Variants in PDGFD observed in about 807,000 individuals in gnomAD.
PDGFD encodes the protein platelet derived growth factor D.
A neutral mutation model predicts 44.7 loss-of-function variants in PDGFD; 30 were observed. The ratio of observed to expected loss-of-function variants is 0.67; its 90% CI spans 0.50 to 0.91. PDGFD has a LOEUF of 0.91. Among genes scored for constraint, PDGFD ranks in the 40% least tolerant of loss-of-function variants. The pLI, the probability that PDGFD is intolerant of heterozygous loss-of-function variation, is 0.00. For synonymous variants in PDGFD, 173 were observed against 168.4 expected (o/e 1.03, Z -0.21); for missense variants, 445 against 457.8 (o/e 0.97, Z 0.25).
At chr11:104,020,641 C>T (rs978850335) in intron 1 of PDGFD, among the ~76,000 whole-genome samples, 1 of 152,020 alleles carries the variant, frequency 6.6e-6, no homozygotes, top group Non-Finnish European at 1.5e-5. Flanking sequence ...TTTGGGAGTA[C>T]TGGGCTTAGA....
chr11:103,988,423 T>G (rs1243899010), intron 3 of PDGFD, among the ~76,000 whole-genome samples: 3 of 151,988 alleles, frequency 2.0e-5, no homozygotes, highest in Non-Finnish European at 4.4e-5. Context: ...CGGGGAGTCA[T>G]CTGCTCATAT....
chr11:103,984,826 T>G (rs1035452078), intron 3 of PDGFD, among the ~76,000 whole-genome samples: 2 of 143,204 alleles, frequency 1.4e-5, no homozygotes, highest in Non-Finnish European at 3.0e-5. Flanking sequence ...TTATTTAATA[T>G]ATAATATATT....
intron 3 of PDGFD, among the ~76,000 whole-genome samples, chr11:103,979,559 A>C (rs1049442517): frequency 6.6e-6 from 1 of 152,068 alleles, no homozygotes; most frequent in Admixed American, 6.6e-5. Context: ...GAGGCAAAGA[A>C]ATGTTTGTAG....
chr11:103,997,770 C>T (rs1352428250), intron 2 of PDGFD, among the ~76,000 whole-genome samples: 1 of 152,084 alleles, frequency 6.6e-6, no homozygotes, highest in Non-Finnish European at 1.5e-5. Flanking sequence ...TTAATAACAC[C>T]ATAGGTCACT....
chr11:103,922,060 G>C (rs985501501), intron 6 of PDGFD, among the ~76,000 whole-genome samples: 1 of 151,598 alleles, frequency 6.6e-6, no homozygotes, highest in Non-Finnish European at 1.5e-5. Flanking sequence ...AATTATGAGA[G>C]GAAGAACAGA....
chr11:103,938,986 C>T (rs1858538375), intron 5 of PDGFD, among the ~76,000 whole-genome samples: 3 of 152,152 alleles, frequency 2.0e-5, no homozygotes, highest in East Asian at 3.9e-4. Context: ...AGTCAGGTAG[C>T]ATGATGCCTC....
intron 1 of PDGFD, among the ~76,000 whole-genome samples, chr11:104,104,549 G>A (rs12269754): frequency 0.055 from 8,405 of 151,964 alleles, 365 homozygotes; most frequent in African/African-American, 0.12. Context: ...ATTGTGTTAC[G>A]ACTGCCCACA....
intron 1 of PDGFD, among the ~76,000 whole-genome samples, chr11:104,042,283 A>G (rs994870875): frequency 6.6e-6 from 1 of 152,250 alleles, no homozygotes; most frequent in Non-Finnish European, 1.5e-5. Context: ...AGGTAAAGCC[A>G]CAATTAAACT....
chr11:104,080,293 G>A (rs1861027148), intron 1 of PDGFD, among the ~76,000 whole-genome samples: 1 of 152,064 alleles, frequency 6.6e-6, no homozygotes, highest in Non-Finnish European at 1.5e-5. Flanking sequence ...TATAATATAT[G>A]TGATTATCAA....
intron 3 of PDGFD, among the ~76,000 whole-genome samples, chr11:103,989,163 T>C (rs945173933): frequency 6.6e-6 from 1 of 152,220 alleles, no homozygotes; most frequent in African/African-American, 2.4e-5. Flanking sequence ...AAAGTTCTCA[T>C]ATGTACTGTA....
chr11:103,914,286 G>C (rs1206617890), intron 6 of PDGFD, among the ~76,000 whole-genome samples: 1 of 152,140 alleles, frequency 6.6e-6, no homozygotes, highest in East Asian at 1.9e-4. Context: ...CTGTATTCAC[G>C]ATAAACAGTT....
At chr11:104,017,311 T>C (rs2134379250) in intron 1 of PDGFD, among the ~76,000 whole-genome samples, 1 of 152,270 alleles carries the variant, frequency 6.6e-6, no homozygotes, top group Admixed American at 6.5e-5. Context: ...GGTACCCTCT[T>C]TACTTAGATC....
At chr11:103,929,360 G>A (rs1320634386) in intron 5 of PDGFD, among the ~76,000 whole-genome samples, 1 of 152,100 alleles carries the variant, frequency 6.6e-6, no homozygotes, top group East Asian at 1.9e-4. Flanking sequence ...CCAGGGTTGG[G>A]TGGTGAATGG....
At chr11:104,134,109 T>C (rs1861965590) in intron 1 of PDGFD, among the ~76,000 whole-genome samples, 1 of 152,144 alleles carries the variant, frequency 6.6e-6, no homozygotes, top group South Asian at 2.1e-4. Flanking sequence ...TTTTGAAAAG[T>C]TATATTTCCA....
rs192458503 is a variant in PDGFD, at chr11:103,948,772, G to T, written c.511-1048C>A. Among the ~76,000 whole-genome samples, 133 of 152,070 alleles carry T rather than the reference G, an allele frequency of 8.7e-4. 1 individual carries two copies. The highest frequency in any genetic ancestry group is 3.0e-3 in the African/African-American group (126 of 41,476). On this transcript the variant is annotated intron_variant, in intron 3 of 6. Transcript: ENST00000393158. ...GGAGCTGGAAGTACATTTGTTAATT[G>T]GTTATGATGAGGCTGGTTTATATAT...
chr11:104,013,556 G>GC (rs1432431592), intron 1 of PDGFD, among the ~76,000 whole-genome samples: 55 of 152,204 alleles, frequency 3.6e-4, no homozygotes, highest in African/African-American at 1.2e-3. Flanking sequence ...CAGGACTGTT[G>GC]CAAGTCCTGT....
At chr11:104,079,936 C>T (rs1032150547) in intron 1 of PDGFD, among the ~76,000 whole-genome samples, 3 of 152,104 alleles carry the variant, frequency 2.0e-5, no homozygotes, top group African/African-American at 4.8e-5. Context: ...TAAATTTATA[C>T]GTTTTGTACA....
chr11:103,984,817 T>G (rs1859328824), intron 3 of PDGFD, among the ~76,000 whole-genome samples: 1 of 143,840 alleles, frequency 7.0e-6, no homozygotes, highest in African/African-American at 2.6e-5. Flanking sequence ...TATTTATATT[T>G]ATTTAATATA....
chr11:104,071,909 T>C (rs1347680557), intron 1 of PDGFD, among the ~76,000 whole-genome samples: 3 of 151,922 alleles, frequency 2.0e-5, no homozygotes, highest in Non-Finnish European at 2.9e-5. Flanking sequence ...ACTGAGTCTA[T>C]TTCTAGACTT....
Sources: allele counts gnomAD v4.1 joint callset (sites outside exome capture counted in the v4.1 genomes callset), GRCh38; gene constraint gnomAD v4.1.1; transcripts MANE v1.5; gene names NCBI Gene and HGNC (gene_info 2026-07-23, HGNC 2026-07-21).